Variants in SIGLEC7 observed in about 807,000 individuals in gnomAD.
The protein encoded by SIGLEC7 is sialic acid binding Ig like lectin 7, also known as sialic acid-binding Ig-like lectin 7.
SIGLEC7 carries 33 observed loss-of-function variants against 40.8 expected under a neutral mutation model. The observed-to-expected ratio is 0.81, with a 90% CI of 0.61 to 1.08. SIGLEC7 has a LOEUF of 1.08. Among genes scored for constraint, SIGLEC7 ranks in the 50% least tolerant of loss-of-function variants. The pLI is 0.00. For synonymous variants in SIGLEC7, 242 were observed against 237.6 expected (o/e 1.02, Z -0.17); for missense variants, 513 against 576.1 (o/e 0.89, Z 1.12).
chr19:51,142,455 C>T lies in SIGLEC7; in HGVS notation c.86C>T (p.Thr29Met), dbSNP rs140841032. ...QKSNRKDYSL[T>M]MQSSVTVQEG... ...AGTAACCGGAAGGATTACTCGCTGACGATGCAGAGTTCCGTGACCGTGCAA... is the reference window on the plus strand; with the variant it reads ...AGTAACCGGAAGGATTACTCGCTGATGATGCAGAGTTCCGTGACCGTGCAA... Residue 29 changes from threonine to methionine, a missense_variant, in exon 1 of 7, where the codon ACG becomes ATG. Physicochemically the swap from Thr to Met is moderately conservative, Grantham distance 81. Coordinates refer to ENST00000317643, the MANE Select transcript of SIGLEC7 (RefSeq NM_014385.4). The surrounding 1 kb of genome is among the most constrained non-coding windows in gnomAD (Gnocchi z 5.0). The T allele has an allele frequency of 1.2e-5, 19 of 1,614,104 alleles. No homozygotes were observed. Among genetic ancestry groups the T allele is most frequent in the Non-Finnish European group, 1.4e-5 (16 of 1,180,020 alleles).
intron 6 of SIGLEC7, 60 bp from the exon 7 acceptor site, chr19:51,152,999 GACTC>G: frequency 7.4e-7 from 1 of 1,347,100 alleles, no homozygotes; most frequent in South Asian, 2.2e-5. Flanking sequence ...AACAACTTGT[GACTC>G]TCCCTGCCTT....
Position 51,142,746 on chromosome 19 carries a change from A to G in SIGLEC7, c.377A>G (p.Glu126Gly). 1 of 1,613,176 alleles carries G rather than the reference A, an allele frequency of 6.2e-7. No individual in the cohort carries two copies. Among genetic ancestry groups the G allele is most frequent in the Non-Finnish European group, 8.5e-7 (1 of 1,179,520 alleles). Residue 126 changes from glutamate to glycine, a missense_variant, in exon 1 of 7, where the codon GAG (glutamate) becomes GGG (glycine). Physicochemically the swap from Glu to Gly is moderately conservative, Grantham distance 98. Transcript: ENST00000317643. The surrounding 1 kb of genome is among the most constrained non-coding windows in gnomAD (Gnocchi z 5.0). ...SDAGRYFFRM[E>G]KGNIKWNYKY... ...GCGGGGAGATACTTCTTTCGTATGG[A>G]GAAAGGAAATATAAAATGGAATTAT...
Position 51,142,635 on chromosome 19 carries a change from A to G in SIGLEC7, c.266A>G (p.Glu89Gly). The G allele has an allele frequency of 6.2e-7, 1 of 1,614,218 alleles. No homozygotes were observed. Among genetic ancestry groups the G allele is most frequent in the African/African-American group, 1.3e-5 (1 of 75,050 alleles). ...AACAACCCAGCTTGGGCAGTGCAGG[A>G]GGAAACTCGGGACCGATTCCACCTC... is the stretch of plus-strand genomic sequence containing the variant. Reference protein sequence around the residue: ...ATNNPAWAVQEETRDRFHLLG... With the variant: ...ATNNPAWAVQGETRDRFHLLG... The change falls in exon 1 of 7, where the codon GAG (glutamate) becomes GGG (glycine). Residue 89 changes from glutamate to glycine, a missense_variant. Physicochemically the swap from Glu to Gly is moderately conservative, Grantham distance 98 (BLOSUM62 -2). Transcript: ENST00000317643. This position sits in a 1 kb window ranked among gnomAD's most constrained non-coding sequence, Gnocchi z 5.0.
chr19:51,142,366 A>G lies in SIGLEC7; in HGVS notation c.-4A>G. 5.6e-6 allele frequency: 9 copies of G among 1,612,534 alleles called. No homozygotes were observed. The highest frequency in any genetic ancestry group is 2.7e-5 in the African/African-American group (2 of 75,006). On this transcript the variant is annotated 5_prime_UTR_variant, in exon 1 of 7. Transcript: ENST00000317643. This position sits in a 1 kb window ranked among gnomAD's most constrained non-coding sequence, Gnocchi z 5.0. ...TCGCGGCCCTGGCACCTCCAACCCC[A>G]GATATGCTGCTGCTGCTGCTGCTGC...
intron 1 of SIGLEC7, 92 bp from the exon 2 acceptor site, chr19:51,144,314 C>A: frequency 6.6e-7 from 1 of 1,515,610 alleles, no homozygotes; most frequent in Non-Finnish European, 8.8e-7. Flanking sequence ...GCGAGTTGGG[C>A]TCAGGGCAGA....
At chr19:51,147,199 G>T (rs750614935) in intron 5 of SIGLEC7, 22 bp from the exon 6 acceptor site, 2 of 1,611,270 alleles carry the variant, frequency 1.2e-6, no homozygotes, top group Non-Finnish European at 8.5e-7. Flanking sequence ...ACACTGAAAG[G>T]CTCTCTGGTC....
chr19:51,142,758 T>C lies in SIGLEC7; in HGVS notation c.389T>C (p.Ile130Thr), dbSNP rs749845124. ...TTCTTTCGTATGGAGAAAGGAAATATAAAATGGAATTATAAATATGACCAG... is the reference window on the plus strand; with the variant it reads ...TTCTTTCGTATGGAGAAAGGAAATACAAAATGGAATTATAAATATGACCAG... ...RYFFRMEKGNIKWNYKYDQLS... is the reference protein window; with the variant it reads ...RYFFRMEKGNTKWNYKYDQLS... The change falls in exon 1 of 7, where the codon ATA (isoleucine) becomes ACA (threonine). Residue 130 changes from isoleucine to threonine, a missense_variant. Coordinates refer to ENST00000317643, the MANE Select transcript of SIGLEC7 (RefSeq NM_014385.4). The surrounding 1 kb of genome is among the most constrained non-coding windows in gnomAD (Gnocchi z 5.0). 1 of 1,611,416 alleles carries C rather than the reference T, an allele frequency of 6.2e-7. No individual in the cohort carries two copies. Among genetic ancestry groups the C allele is most frequent in the Non-Finnish European group, 8.5e-7 (1 of 1,178,478 alleles).
rs762094398 is a variant in SIGLEC7 at position 51,142,470 on chromosome 19, T to A, written c.101T>A (p.Val34Glu). The change falls in exon 1 of 7, where the codon GTG (valine) becomes GAG (glutamate). Residue 34 changes from valine to glutamate, a missense_variant. Coordinates refer to ENST00000317643, the MANE Select transcript of SIGLEC7 (RefSeq NM_014385.4). This position sits in a 1 kb window ranked among gnomAD's most constrained non-coding sequence, Gnocchi z 5.0. ...KDYSLTMQSSVTVQEGMCVHV... is the reference protein window; with the variant it reads ...KDYSLTMQSSETVQEGMCVHV... The stretch of plus-strand genomic sequence containing the variant: ...TACTCGCTGACGATGCAGAGTTCCG[T>A]GACCGTGCAAGAGGGCATGTGTGTC... The A allele has an allele frequency of 2.5e-6, 4 of 1,614,020 alleles. No individual in the cohort carries two copies. In the Admixed American group the frequency reaches 6.7e-5, roughly 27 times the overall value.
Position 51,142,617 on chromosome 19 carries a change from C to T in SIGLEC7, c.248C>T (p.Pro83Leu). Residue 83 changes from proline (P) to leucine (L), a missense_variant, in exon 1 of 7, where the codon CCA (proline) becomes CTA (leucine). Coordinates refer to ENST00000317643, the MANE Select transcript of SIGLEC7 (RefSeq NM_014385.4). This position sits in a 1 kb window ranked among gnomAD's most constrained non-coding sequence, Gnocchi z 5.0. ...AAGGCTCCAGTGGCCACAAACAACC[C>T]AGCTTGGGCAGTGCAGGAGGAAACT... is the stretch of plus-strand genomic sequence containing the variant. ...SWKAPVATNN[P>L]AWAVQEETRD... is the part of the protein sequence containing the mutation. 6.2e-7 allele frequency: 1 copy of T among 1,614,170 alleles called. No individual in the cohort carries two copies. The highest frequency in any genetic ancestry group is 8.5e-7 in the Non-Finnish European group (1 of 1,180,034).
intron 1 of SIGLEC7, 124 bp from the exon 2 acceptor site, chr19:51,144,282 C>A (rs1403699792): frequency 1.3e-6 from 2 of 1,496,760 alleles, no homozygotes; most frequent in African/African-American, 1.4e-5. Context: ...GGCCCCTGCC[C>A]TGGGAGAGGG....
chr19:51,143,860 G>A, intron 1 of SIGLEC7: 2 of 443,806 alleles, frequency 4.5e-6, no homozygotes, highest in South Asian at 3.6e-5. Flanking sequence ...ACAGGCTGGA[G>A]GTGCTGGAGT....
rs2092101928 is a variant in SIGLEC7 at position 51,145,612 on chromosome 19, A to T, written c.761-243A>T. 6.6e-6 allele frequency among the ~76,000 whole-genome samples: 1 copy of T among 152,278 alleles called. No homozygotes were observed. Among genetic ancestry groups the T allele is most frequent in the Non-Finnish European group, 1.5e-5 (1 of 68,052 alleles). On this transcript the variant is annotated intron_variant, in intron 3 of 6. Coordinates refer to ENST00000317643, the MANE Select transcript of SIGLEC7 (RefSeq NM_014385.4). The surrounding 1 kb of genome is among the most constrained non-coding windows in gnomAD (Gnocchi z 4.3). ...TCCCACAAGGAATATCTAAGTGTAT[A>T]GGATAAATTCCTAAAAGCACATTTT...
At chr19:51,147,643 T>C (rs1370572763) in intron 6 of SIGLEC7, among the ~76,000 whole-genome samples, 1 of 151,212 alleles carries the variant, frequency 6.6e-6, no homozygotes, top group Non-Finnish European at 1.5e-5. Context: ...AATCCTAAAC[T>C]CTCTCAATGC....
At position 51,144,957 on chromosome 19, in the gene SIGLEC7, C is replaced by G. The variant is rs1031852221; in HGVS notation, c.758C>G (p.Thr253Arg). ...LTVTVFQGEG[T>R]ASTALGNSSS... is the part of the protein sequence containing the mutation. ...GTGACTGTCTTCCAAGGAGAAGGCA[C>G]AGGTAGGATGGAGCCCCCTCCCTGG... The change falls in exon 3 of 7, where the codon ACA (threonine) becomes AGA (arginine). Residue 253 changes from threonine to arginine, a missense_variant and splice_region_variant. Physicochemically the swap from Thr to Arg is moderately conservative, Grantham distance 71 (BLOSUM62 -1). Transcript: ENST00000317643. 6.2e-7 allele frequency: 1 copy of G among 1,614,014 alleles called. No homozygotes were observed. Among genetic ancestry groups the G allele is most frequent in the Non-Finnish European group, 8.5e-7 (1 of 1,179,926 alleles).
chr19:51,147,911 C>T (rs553829387), intron 6 of SIGLEC7, among the ~76,000 whole-genome samples: 5 of 152,284 alleles, frequency 3.3e-5, no homozygotes, highest in South Asian at 2.1e-4. Flanking sequence ...GGAAATCAGC[C>T]GTAGACCATG....
chr19:51,146,037 G>A lies in SIGLEC7; in HGVS notation c.943G>A (p.Glu315Lys), dbSNP rs552650324. ...GGAGCTGCAAGTGCACCTGGGGGAT[G>A]AAGGGGAATTCACCTGTCGAGCTCA... Reference protein sequence around the residue: ...VLELQVHLGDEGEFTCRAQNS... With the variant: ...VLELQVHLGDKGEFTCRAQNS... The change falls in exon 4 of 7, where the codon GAA becomes AAA. Residue 315 changes from glutamate to lysine, a missense_variant. Transcript: ENST00000317643. The A allele has an allele frequency of 3.7e-6, 6 of 1,614,234 alleles. No individual in the cohort carries two copies. In the South Asian group the frequency reaches 5.5e-5, roughly 15 times the overall value.
chr19:51,149,051 G>A (rs1432421763), intron 6 of SIGLEC7, among the ~76,000 whole-genome samples: 1 of 152,170 alleles, frequency 6.6e-6, no homozygotes, highest in Non-Finnish European at 1.5e-5. Flanking sequence ...GTTCCTTATA[G>A]ATGCTGGATA....
chr19:51,147,111 C>T (rs919601122), intron 5 of SIGLEC7, 110 bp from the exon 6 acceptor site: 55 of 1,516,530 alleles, frequency 3.6e-5, no homozygotes, highest in Non-Finnish European at 2.5e-5. Flanking sequence ...ACCCTCCTCC[C>T]ACCTCAGTTA....
rs1409531451 is a variant in SIGLEC7 at position 51,153,272 on chromosome 19, G to A, written c.*27G>A. On this transcript the variant is annotated 3_prime_UTR_variant, in exon 7 of 7. Transcript: ENST00000317643. ...AAAATGCAGAGGCTCGGGCTTGTTT[G>A]AGGGTTCACGACCCCTCCAGCAAAG... The A allele has an allele frequency of 3.3e-6, 5 of 1,514,080 alleles. No individual in the cohort carries two copies. The Admixed American group carries it at 6.0e-5, about 18-fold the overall frequency. The allele number at this position is 1,514,080 out of a possible 1,614,324, so 93.8% of individuals were successfully genotyped here. A position where few individuals can be genotyped will look rare whatever the true frequency, so the allele number is the denominator to read the frequency against.
Sources: allele counts gnomAD v4.1 joint callset (sites outside exome capture counted in the v4.1 genomes callset), GRCh38; gene constraint gnomAD v4.1.1; non-coding constraint Gnocchi (gnomAD v3.1); transcripts MANE v1.5; gene names NCBI Gene and HGNC (gene_info 2026-07-23, HGNC 2026-07-21).